The following ZNF83 variants were observed in gnomAD, a reference collection of about 807,000 sequenced individuals.
The protein encoded by ZNF83 is zinc finger protein 83.
For synonymous variants in ZNF83, 209 were observed against 213.0 expected (o/e 0.98, Z 0.17); for missense variants, 552 against 629.9 (o/e 0.88, Z 1.32).
At chr19:52,642,260 GCTTTTTT>G (rs2061316623), upstream of ZNF83, among the ~76,000 whole-genome samples, 1 of 103,104 alleles carries the variant, frequency 9.7e-6, no homozygotes, top group African/African-American at 3.8e-5. Flanking sequence ...GAGTATTGTA[GCTTTTTT>G]TTTTTTTTTT....
intron 1 of ZNF83, among the ~76,000 whole-genome samples, chr19:52,672,497 G>A (rs1037690076): frequency 7.2e-5 from 11 of 152,136 alleles, no homozygotes; most frequent in East Asian, 1.9e-4. Context: ...CCTGTAATCC[G>A]AGCATGATGG....
chr19:52,618,858 C>T lies in ZNF83; in HGVS notation c.-233-4061G>A, dbSNP rs923201164. On this transcript the variant is annotated intron_variant, in intron 2 of 2. Transcript: ENST00000301096. ...CTTCCATTTTAGTCAAGCAAGGATG[C>T]AACTCCCAAGAGAAACAAGAGAAAA... 51 of 1,514,814 alleles carry T rather than the reference C, an allele frequency of 3.4e-5. No individual in the cohort carries two copies. The Middle Eastern group carries it at 5.3e-4, about 16-fold the overall frequency. 93.8% of individuals were successfully genotyped at this position (1,514,814 alleles called of 1,614,324 possible). A position where few individuals can be genotyped will look rare whatever the true frequency, so the allele number is the denominator to read the frequency against.
At chr19:52,680,813 C>T (rs967480568) in intron 1 of ZNF83, among the ~76,000 whole-genome samples, 14 of 149,486 alleles carry the variant, frequency 9.4e-5, no homozygotes, top group South Asian at 2.1e-4. Flanking sequence ...GGGGTTTCAC[C>T]GTGTTAGCCA....
At chr19:52,672,300 G>A (rs551727466) in intron 1 of ZNF83, among the ~76,000 whole-genome samples, 3 of 152,274 alleles carry the variant, frequency 2.0e-5, no homozygotes, top group Admixed American at 6.5e-5. Context: ...ATACTTTTAT[G>A]ACTATATCTG....
intron 1 of ZNF83, among the ~76,000 whole-genome samples, chr19:52,687,632 T>A (rs1229319247): frequency 1.2e-3 from 12 of 9,928 alleles, no homozygotes; most frequent in African/African-American, 6.6e-3. Flanking sequence ...ATATATATAA[T>A]GTATATATAT....
At chr19:52,673,433 G>C (rs751442608) in intron 1 of ZNF83, among the ~76,000 whole-genome samples, 8 of 152,054 alleles carry the variant, frequency 5.3e-5, no homozygotes, top group Non-Finnish European at 1.2e-4. Flanking sequence ...AGCCAAGAAG[G>C]CAGAGGTTGC....
chr19:52,669,972 G>T (rs959015011), intron 1 of ZNF83, among the ~76,000 whole-genome samples: 2 of 152,218 alleles, frequency 1.3e-5, no homozygotes, highest in Admixed American at 6.5e-5. Flanking sequence ...CAAGAGAAGG[G>T]AATGTTAGAT....
intron 1 of ZNF83, among the ~76,000 whole-genome samples, chr19:52,662,610 A>C (rs936376049): frequency 6.6e-6 from 1 of 151,620 alleles, no homozygotes; most frequent in Admixed American, 6.6e-5. Context: ...TTCATATTAC[A>C]CCTGAGCATT....
chr19:52,613,208 C>T (rs751771431), exon 3 of ZNF83: 4 of 1,613,972 alleles, frequency 2.5e-6, no homozygotes, highest in Non-Finnish European at 3.4e-6. Flanking sequence ...GGTTTCTCTC[C>T]AGTGTGAATT....
chr19:52,648,507 C>T (rs1168065239), intron 3 of ZNF83, among the ~76,000 whole-genome samples: 2 of 152,166 alleles, frequency 1.3e-5, no homozygotes, highest in Admixed American at 6.5e-5. Context: ...ACTCATTTCC[C>T]TAGTCTCTTA....
intron 2 of ZNF83, among the ~76,000 whole-genome samples, chr19:52,627,725 G>A (rs368565561): frequency 8.7e-4 from 133 of 152,162 alleles, no homozygotes; most frequent in African/African-American, 3.1e-3. Flanking sequence ...AACAAACCCC[G>A]ATGACACGAG....
chr19:52,622,250 T>C (rs1399163980), intron 2 of ZNF83, among the ~76,000 whole-genome samples: 1 of 152,122 alleles, frequency 6.6e-6, no homozygotes, highest in Non-Finnish European at 1.5e-5. Context: ...GCAGAGTGCA[T>C]GTACCATTTT....
chr19:52,653,826 C>T (rs1207613511), intron 3 of ZNF83, among the ~76,000 whole-genome samples: 3 of 152,148 alleles, frequency 2.0e-5, no homozygotes, highest in Non-Finnish European at 4.4e-5. Context: ...TATATTGTTT[C>T]TCTCCTGAAT....
At chr19:52,659,613 C>CAAAAAAAAAAAAA (rs67918270) in intron 2 of ZNF83, among the ~76,000 whole-genome samples, 5 of 114,284 alleles carry the variant, frequency 4.4e-5, no homozygotes, top group African/African-American at 6.5e-5. Context: ...GACTCCAACT[C>CAAAAAAAAAAAAA]AAAAAAAAAA....
intron 1 of ZNF83, chr19:52,636,541 A>G (rs1256681877): frequency 1.3e-5 from 2 of 152,128 alleles, no homozygotes; most frequent in South Asian, 2.1e-4. Flanking sequence ...AAAATTCTCA[A>G]TCTCATCTGT....
chr19:52,670,551 A>G, intron 1 of ZNF83, among the ~76,000 whole-genome samples: 1 of 152,224 alleles, frequency 6.6e-6, no homozygotes, highest in East Asian at 1.9e-4. Context: ...CTTTATTTAC[A>G]ACACACTTAA....
chr19:52,628,517 G>A (rs1369335200), intron 2 of ZNF83, among the ~76,000 whole-genome samples: 1 of 152,118 alleles, frequency 6.6e-6, no homozygotes, highest in Non-Finnish European at 1.5e-5. Context: ...TCGGGCGCCG[G>A]TCACGGAGTA....
chr19:52,625,863 T>A (rs1019575055), intron 2 of ZNF83, among the ~76,000 whole-genome samples: 1 of 152,156 alleles, frequency 6.6e-6, no homozygotes, highest in Non-Finnish European at 1.5e-5. Context: ...CATTACAACC[T>A]CTGATGGCTG....
At chr19:52,648,927 C>T (rs1244732400) in intron 3 of ZNF83, among the ~76,000 whole-genome samples, 1 of 152,108 alleles carries the variant, frequency 6.6e-6, no homozygotes, top group Non-Finnish European at 1.5e-5. Context: ...AACTCCAGGC[C>T]CTACCTCCAC....
Sources: allele counts gnomAD v4.1 joint callset (sites outside exome capture counted in the v4.1 genomes callset), GRCh38; gene constraint gnomAD v4.1.1; transcripts MANE v1.5; gene names NCBI Gene and HGNC (gene_info 2026-07-23, HGNC 2026-07-21).